TMEM33: variants seen among roughly 807,000 people sequenced by gnomAD.
TMEM33 encodes transmembrane protein 33.
Under a neutral mutation model 29.7 loss-of-function variants are expected in TMEM33, and 16 were observed. The observed-to-expected ratio is 0.54, with a 90% CI of 0.36 to 0.82. The LOEUF (loss-of-function observed/expected upper bound fraction) is 0.82. TMEM33 is among the 40% of genes least tolerant of loss of function. TMEM33 has a pLI of 0.00. For synonymous variants in TMEM33, 112 were observed against 109.4 expected, an observed-to-expected ratio of 1.02 and a Z score of -0.15; for missense variants, 252 against 295.3, an observed-to-expected ratio of 0.85 and a Z score of 1.08.
At chr4:41,952,970 T>A (rs1713106652) in intron 6 of TMEM33, among the ~76,000 whole-genome samples, 1 of 152,092 alleles carries the variant, frequency 6.6e-6, no homozygotes, top group Non-Finnish European at 1.5e-5. Flanking sequence ...TTTCTTGTTC[T>A]GTTTTAAAAA....
At chr4:41,938,476 AATG>A in intron 1 of TMEM33, 123 bp from the exon 2 acceptor site, 2 of 841,266 alleles carry the variant, frequency 2.4e-6, no homozygotes, top group South Asian at 3.1e-5. Flanking sequence ...GTTTTCACCT[AATG>A]ATCTAAAAAA....
intron 5 of TMEM33, among the ~76,000 whole-genome samples, chr4:41,946,086 T>TC (rs2153127277): frequency 6.6e-6 from 1 of 151,396 alleles, no homozygotes; most frequent in East Asian, 1.9e-4. Flanking sequence ...TGTTTTTTTT[T>TC]TTTTTTTAGC....
chr4:41,942,071 C>T (rs996705518), intron 3 of TMEM33, among the ~76,000 whole-genome samples: 13 of 152,186 alleles, frequency 8.5e-5, no homozygotes, highest in Admixed American at 3.3e-4. Context: ...AGGAGTGGAA[C>T]TCAGGTATCT....
intron 2 of TMEM33, 87 bp downstream of exon 2, chr4:41,938,783 C>G: frequency 8.0e-7 from 1 of 1,253,496 alleles, no homozygotes; most frequent in South Asian, 1.2e-5. Flanking sequence ...ACTTATTAAC[C>G]TGTAAAGGGT....
rs74930872 is a variant in TMEM33, at chr4:41,951,753, C to T, written c.615-2317C>T. Among the ~76,000 whole-genome samples the T allele has an allele frequency of 3.3e-3, 503 of 152,282 alleles. 2 individuals carry two copies. Among genetic ancestry groups the T allele is most frequent in the African/African-American group, 0.012 (482 of 41,562 alleles). On this transcript the variant is annotated intron_variant, in intron 6 of 6. Transcript: ENST00000504986. ...TAAGAATTCACTGAGGAGGTGGGAACATAAGCCAAGTCTTTTAAAGAATGA... is the reference window on the plus strand; with the variant it reads ...TAAGAATTCACTGAGGAGGTGGGAATATAAGCCAAGTCTTTTAAAGAATGA...
At chr4:41,936,484 C>G (rs562069931) in intron 1 of TMEM33, among the ~76,000 whole-genome samples, 3 of 152,244 alleles carry the variant, frequency 2.0e-5, no homozygotes, top group African/African-American at 7.2e-5. Context: ...TTGAAGCTGC[C>G]GTGAGCCAAG....
At position 41,943,768 on chromosome 4, in the gene TMEM33, T is replaced by C; in HGVS notation, c.350T>C (p.Leu117Ser). Residue 117 changes from leucine to serine, a missense_variant, in exon 4 of 7, where the codon TTA becomes TCA. Transcript: ENST00000504986. The part of the protein sequence containing the change: ...PVTMSIFPVL[L>S]FSLLHAATYT... ...TTAGTGAGTATCTTCCCAGTCTTGT[T>C]ATTCTCTTTGCTTCATGCTGCCACA... 2 of 1,613,972 alleles carry C rather than the reference T, an allele frequency of 1.2e-6. No individual in the cohort carries two copies. The highest frequency in any genetic ancestry group is 8.5e-7 in the Non-Finnish European group (1 of 1,179,954).
intron 3 of TMEM33, among the ~76,000 whole-genome samples, chr4:41,943,418 G>C (rs541881551): frequency 6.6e-6 from 1 of 152,058 alleles, no homozygotes; most frequent in South Asian, 2.1e-4. Flanking sequence ...CCAGCTACTC[G>C]GGAGGCTGAG....
At position 41,958,700 on chromosome 4, in the gene TMEM33, C is replaced by CTTTTTTTTTTTT. The variant is rs750862386; in HGVS notation, c.*4516_*4527dup. The stretch of plus-strand genomic sequence containing the variant: ...GTAGAGACAACTAGTTTCTCTCGCT[C>CTTTTTTTTTTTT]TTTTTTTTTTTTTTTTTTTTTTTTT... On this transcript the variant is annotated 3_prime_UTR_variant, in exon 7 of 7. Transcript: ENST00000504986. The CTTTTTTTTTTTT allele has an allele frequency of 1.1e-5, 1 of 93,786 alleles. No homozygotes were observed. Among genetic ancestry groups the CTTTTTTTTTTTT allele is most frequent in the Non-Finnish European group, 2.1e-5 (1 of 47,336 alleles). 5.8% of individuals were successfully genotyped at this position (93,786 alleles called of 1,614,324 possible).
intron 6 of TMEM33, among the ~76,000 whole-genome samples, chr4:41,952,960 T>C (rs1713106288): frequency 6.6e-6 from 1 of 152,114 alleles, no homozygotes; most frequent in Non-Finnish European, 1.5e-5. Context: ...TAGTATATTT[T>C]TTCTTGTTCT....
At chr4:41,935,793 C>T (rs1293778035) in intron 1 of TMEM33, among the ~76,000 whole-genome samples, 1 of 152,196 alleles carries the variant, frequency 6.6e-6, no homozygotes, top group Non-Finnish European at 1.5e-5. Flanking sequence ...CTTCTTTCCT[C>T]TTCTCCCACC....
At chr4:41,951,783 G>A (rs1051309444) in intron 6 of TMEM33, among the ~76,000 whole-genome samples, 8 of 152,162 alleles carry the variant, frequency 5.3e-5, no homozygotes, top group African/African-American at 1.9e-4. Context: ...GAATGAGCCT[G>A]AGTTCTGACA....
chr4:41,955,901 TGTTA>T lies in TMEM33; in HGVS notation c.*1706_*1709del, dbSNP rs1376029625. Reference sequence around the variant, plus strand: ...GCTGAAGTCATGTTTATTTTGAAGCTGTTAGTTTTTTCCTATAATTTAAAAAGAT... The same window carrying T: ...GCTGAAGTCATGTTTATTTTGAAGCTGTTTTTTCCTATAATTTAAAAAGAT... On this transcript the variant is annotated 3_prime_UTR_variant, in exon 7 of 7. Transcript: ENST00000504986. The T allele has an allele frequency of 6.6e-6, 1 of 152,652 alleles. No individual in the cohort carries two copies. The highest frequency in any genetic ancestry group is 1.5e-5 in the Non-Finnish European group (1 of 68,026). The allele number at this position is 152,652 out of a possible 1,614,324, so 9.5% of individuals were successfully genotyped here.
At chr4:41,951,085 G>A (rs1268374267) in intron 6 of TMEM33, among the ~76,000 whole-genome samples, 1 of 152,094 alleles carries the variant, frequency 6.6e-6, no homozygotes, top group Non-Finnish European at 1.5e-5. Context: ...TAAAGGTTTT[G>A]AGACCATCTC....
At chr4:41,940,528 ATT>A in intron 3 of TMEM33, among the ~76,000 whole-genome samples, 1 of 152,228 alleles carries the variant, frequency 6.6e-6, no homozygotes, top group Non-Finnish European at 1.5e-5. Context: ...AAGAACTTGA[ATT>A]TAGGCCAGGC....
intron 3 of TMEM33, among the ~76,000 whole-genome samples, chr4:41,940,054 T>TA (rs1663192658): frequency 7.0e-6 from 1 of 143,036 alleles, no homozygotes; most frequent in Non-Finnish European, 1.5e-5. Flanking sequence ...TTCTTTTTTT[T>TA]TTTTTTTTTT....
upstream of TMEM33, chr4:41,935,413 A>G (rs1360966171): frequency 1.1e-5 from 17 of 1,506,976 alleles, no homozygotes; most frequent in Non-Finnish European, 1.5e-5. Flanking sequence ...TCCTGGCCCC[A>G]GCGCTGACGT....
chr4:41,959,467 G>A lies in TMEM33; in HGVS notation c.*5268G>A, dbSNP rs1246834802. 6.6e-6 allele frequency: 1 copy of A among 152,090 alleles called. No homozygotes were observed. 9.4% of individuals were successfully genotyped at this position (152,090 alleles called of 1,614,324 possible). On this transcript the variant is annotated 3_prime_UTR_variant, in exon 7 of 7. Transcript: ENST00000504986. ...CAGATTCCTTTCTTAGAAAACAATA[G>A]GAAAAAATTATAGATGGATGTCTTT...
rs1449501695 is a variant in TMEM33 at position 41,956,737 on chromosome 4, A to G, written c.*2538A>G. ...ATTTCTGATATACTCATGTTTGACA[A>G]GTTGAAACAGATTTGTTTCTTAAAG... On this transcript the variant is annotated 3_prime_UTR_variant, in exon 7 of 7. Coordinates refer to ENST00000504986, the MANE Select transcript of TMEM33 (RefSeq NM_018126.3). 1 of 152,232 alleles carries G rather than the reference A, an allele frequency of 6.6e-6. No homozygotes were observed. The highest frequency in any genetic ancestry group is 1.5e-5 in the Non-Finnish European group (1 of 68,022). The allele number at this position is 152,232 out of a possible 1,614,324, so 9.4% of individuals were successfully genotyped here. A position where few individuals can be genotyped will look rare whatever the true frequency, so the allele number is the denominator to read the frequency against.
Sources: allele counts gnomAD v4.1 joint callset (sites outside exome capture counted in the v4.1 genomes callset), GRCh38; gene constraint gnomAD v4.1.1; transcripts MANE v1.5; gene names NCBI Gene and HGNC (gene_info 2026-07-23, HGNC 2026-07-21).